Variants in APP observed in about 807,000 individuals in gnomAD.
APP encodes amyloid-beta precursor protein.
Under a neutral mutation model 101.4 loss-of-function variants are expected in APP, and 31 were observed. That is an observed-to-expected ratio of 0.31 (90% CI 0.23 to 0.41). The LOEUF (loss-of-function observed/expected upper bound fraction) is 0.41, where lower values mean the gene tolerates loss of function less well. APP is among the 10% of genes least tolerant of loss of function. The pLI, the probability that APP is intolerant of heterozygous loss-of-function variation, is 1.00. For synonymous variants in APP, 366 were observed against 364.4 expected, an observed-to-expected ratio of 1.00 and a Z score of -0.05; for missense variants, 839 against 1,003.7, an observed-to-expected ratio of 0.84 and a Z score of 2.22.
intron 15 of APP, among the ~76,000 whole-genome samples, chr21:25,901,323 ACCAAG>A (rs1569029939): frequency 1.6e-5 from 1 of 64,162 alleles, no homozygotes; most frequent in Non-Finnish European, 4.3e-5. Context: ...AAAAAACAAA[ACCAAG>A]AGCTCTCCAC....
At chr21:26,096,503 A>G (rs2061944979) in intron 2 of APP, among the ~76,000 whole-genome samples, 1 of 152,146 alleles carries the variant, frequency 6.6e-6, no homozygotes, top group Non-Finnish European at 1.5e-5. Flanking sequence ...GCCCAAGAAA[A>G]CCAAACTGTA....
intron 5 of APP, among the ~76,000 whole-genome samples, chr21:26,038,927 A>G (rs1434858248): frequency 6.6e-6 from 1 of 152,156 alleles, no homozygotes; most frequent in Non-Finnish European, 1.5e-5. Context: ...AATTTTCCCC[A>G]TGTTTGAGGT....
chr21:26,050,969 T>C, intron 5 of APP, 31 bp downstream of exon 5: 2 of 1,610,620 alleles, frequency 1.2e-6, no homozygotes, highest in Non-Finnish European at 1.7e-6. Context: ...TGTTTCAGCA[T>C]CTCTGAGGCT....
chr21:25,999,909 G>C, intron 7 of APP, 106 bp downstream of exon 7: 2 of 1,299,694 alleles, frequency 1.5e-6, no homozygotes, highest in South Asian at 2.5e-5. Flanking sequence ...GTTAGTGGTA[G>C]CAACAGGCCC....
intron 14 of APP, among the ~76,000 whole-genome samples, chr21:25,906,999 G>A (rs1258543975): frequency 6.6e-6 from 1 of 152,194 alleles, no homozygotes; most frequent in Non-Finnish European, 1.5e-5. Flanking sequence ...CTTTCTCTGT[G>A]ATCTGGGGCT....
intron 11 of APP, among the ~76,000 whole-genome samples, chr21:25,967,202 C>CG (rs2041829002): frequency 6.6e-6 from 1 of 152,054 alleles, no homozygotes; most frequent in Non-Finnish European, 1.5e-5. Context: ...AAACTGCCAA[C>CG]ATTTTTTTTT....
At chr21:26,054,847 T>C (rs1290170121) in intron 3 of APP, among the ~76,000 whole-genome samples, 1 of 152,024 alleles carries the variant, frequency 6.6e-6, no homozygotes, top group Non-Finnish European at 1.5e-5. Context: ...CATAGTACGC[T>C]ATAGGGCATT....
intron 17 of APP, among the ~76,000 whole-genome samples, chr21:25,883,245 A>C (rs887562924): frequency 2.6e-5 from 4 of 152,156 alleles, no homozygotes; most frequent in African/African-American, 9.6e-5. Context: ...TCTACTAAAA[A>C]TACAAAAATT....
chr21:26,035,266 C>A (rs1231642921), intron 5 of APP, among the ~76,000 whole-genome samples: 2 of 152,054 alleles, frequency 1.3e-5, no homozygotes, highest in African/African-American at 4.8e-5. Flanking sequence ...GACCTTGTCT[C>A]CAAAAAACAG....
At chr21:26,098,409 T>C (rs897802407) in intron 2 of APP, among the ~76,000 whole-genome samples, 19 of 152,082 alleles carry the variant, frequency 1.2e-4, no homozygotes, top group East Asian at 7.7e-4. Context: ...AGAAAAGACA[T>C]TGATGATATT....
intron 13 of APP, among the ~76,000 whole-genome samples, chr21:25,929,780 C>T (rs569263958): frequency 3.3e-5 from 5 of 152,136 alleles, no homozygotes; most frequent in South Asian, 2.1e-4. Context: ...TGCTCTTGCA[C>T]GCATTTTTAT....
intron 2 of APP, among the ~76,000 whole-genome samples, chr21:26,098,219 C>T (rs544081842): frequency 6.7e-6 from 1 of 148,864 alleles, no homozygotes; most frequent in East Asian, 2.0e-4. Context: ...ATATTAAAAG[C>T]TTATCATCGG....
intron 8 of APP, among the ~76,000 whole-genome samples, chr21:25,986,572 T>C (rs1277942656): frequency 6.6e-6 from 1 of 151,974 alleles, no homozygotes; most frequent in Non-Finnish European, 1.5e-5. Flanking sequence ...TGGTGGCGCA[T>C]GCCTGTAATC....
At chr21:26,138,825 C>A (rs1413082001) in intron 1 of APP, among the ~76,000 whole-genome samples, 1 of 152,188 alleles carries the variant, frequency 6.6e-6, no homozygotes, top group Non-Finnish European at 1.5e-5. Flanking sequence ...GCAAACACAA[C>A]ACAGAAACCT....
chr21:25,949,211 G>A (rs1401184523), intron 13 of APP, among the ~76,000 whole-genome samples: 1 of 152,038 alleles, frequency 6.6e-6, no homozygotes, highest in African/African-American at 2.4e-5. Flanking sequence ...TAACACAACA[G>A]GACACTTGAA....
intron 1 of APP, among the ~76,000 whole-genome samples, chr21:26,131,217 G>A (rs191796605): frequency 7.6e-4 from 116 of 151,694 alleles, no homozygotes; most frequent in South Asian, 1.2e-3. Context: ...TAACAAGAGC[G>A]AAACGCCACC....
chr21:25,968,555 C>A (rs1160980226), intron 11 of APP, among the ~76,000 whole-genome samples: 1 of 151,906 alleles, frequency 6.6e-6, no homozygotes, highest in Non-Finnish European at 1.5e-5. Context: ...AGTGTATTTG[C>A]CTATAGGTAC....
intron 1 of APP, among the ~76,000 whole-genome samples, chr21:26,157,115 G>C (rs906299616): frequency 6.6e-6 from 1 of 152,122 alleles, no homozygotes; most frequent in Non-Finnish European, 1.5e-5. Context: ...TGTTGCCCAG[G>C]CTGGAATGCA....
chr21:26,026,251 G>A (rs1276858970), intron 5 of APP, among the ~76,000 whole-genome samples: 1 of 152,218 alleles, frequency 6.6e-6, no homozygotes, highest in Non-Finnish European at 1.5e-5. Context: ...TCAATTTATA[G>A]TGGGTGGCTT....
Sources: allele counts gnomAD v4.1 joint callset (sites outside exome capture counted in the v4.1 genomes callset), GRCh38; gene constraint gnomAD v4.1.1; transcripts MANE v1.5; gene names NCBI Gene and HGNC (gene_info 2026-07-23, HGNC 2026-07-21).